Variants in PCDH9 observed in about 807,000 individuals in gnomAD.
PCDH9 encodes protocadherin 9, also known as protocadherin-9.
In PCDH9, 24 loss-of-function variants were observed where a neutral mutation model predicts 70.6. The observed-to-expected ratio is 0.34, with a 90% confidence interval of 0.25 to 0.48. The LOEUF (loss-of-function observed/expected upper bound fraction) is 0.48. Ranked by LOEUF, PCDH9 falls within the 20% of genes least tolerant of loss-of-function variation. PCDH9 has a pLI of 0.99. For missense variants in PCDH9, 1,281 were observed against 1,503.6 expected, an observed-to-expected ratio of 0.85 and a Z score of 2.45; for synonymous variants, 562 against 558.5, an observed-to-expected ratio of 1.01 and a Z score of -0.09.
chr13:67,109,962 T>C (rs1277693819), intron 2 of PCDH9, among the ~76,000 whole-genome samples: 1 of 152,154 alleles, frequency 6.6e-6, no homozygotes, highest in Non-Finnish European at 1.5e-5. Flanking sequence ...ATTATGTATA[T>C]AACACTTATT....
chr13:67,112,397 A>G (rs572000076), intron 2 of PCDH9, among the ~76,000 whole-genome samples: 5 of 152,322 alleles, frequency 3.3e-5, no homozygotes, highest in African/African-American at 1.2e-4. Flanking sequence ...GATCAGCAGC[A>G]GAACTCTTAT....
At chr13:66,675,625 G>A (rs1283372539) in intron 3 of PCDH9, among the ~76,000 whole-genome samples, 4 of 152,130 alleles carry the variant, frequency 2.6e-5, no homozygotes, top group Admixed American at 6.6e-5. Context: ...ACCAAATTGA[G>A]CTTCAGATGC....
intron 4 of PCDH9, among the ~76,000 whole-genome samples, chr13:66,420,335 T>G (rs1957542640): frequency 6.6e-6 from 1 of 152,186 alleles, no homozygotes; most frequent in African/African-American, 2.4e-5. Flanking sequence ...AGGGACAGAC[T>G]GCCTCCTCAA....
chr13:66,586,897 T>C (rs2076969941), intron 4 of PCDH9, among the ~76,000 whole-genome samples: 1 of 152,242 alleles, frequency 6.6e-6, no homozygotes, highest in Non-Finnish European at 1.5e-5. Flanking sequence ...TCAACACTTT[T>C]GTTGTTGTAA....
chr13:66,337,379 A>G (rs1162546096), intron 4 of PCDH9, among the ~76,000 whole-genome samples: 1 of 152,078 alleles, frequency 6.6e-6, no homozygotes, highest in Non-Finnish European at 1.5e-5. Context: ...TTGAAAAACT[A>G]GGTAAGTGAT....
intron 3 of PCDH9, among the ~76,000 whole-genome samples, chr13:66,730,596 G>A (rs1016104005): frequency 1.3e-5 from 2 of 151,832 alleles, no homozygotes; most frequent in African/African-American, 4.8e-5. Flanking sequence ...TGAGGGTGGA[G>A]CATATGTATA....
intron 4 of PCDH9, among the ~76,000 whole-genome samples, chr13:66,555,419 G>A (rs76947341): frequency 3.5e-4 from 50 of 143,528 alleles, no homozygotes; most frequent in South Asian, 4.4e-4. Context: ...ACATTCTGGG[G>A]AAAAAAAAAA....
intron 2 of PCDH9, among the ~76,000 whole-genome samples, chr13:67,199,784 T>C (rs937850546): frequency 3.9e-5 from 6 of 152,082 alleles, no homozygotes; most frequent in African/African-American, 1.4e-4. Context: ...TCAGTTCTTG[T>C]TTATCTTCAC....
chr13:66,913,562 C>A (rs566135349), intron 2 of PCDH9, among the ~76,000 whole-genome samples: 1 of 151,956 alleles, frequency 6.6e-6, no homozygotes, highest in Admixed American at 6.6e-5. Flanking sequence ...AGTTTCACAG[C>A]CTTGGTGGCC....
At chr13:66,562,804 G>T (rs1288639943) in intron 4 of PCDH9, among the ~76,000 whole-genome samples, 1 of 152,044 alleles carries the variant, frequency 6.6e-6, no homozygotes, top group Non-Finnish European at 1.5e-5. Context: ...TCATGAAATG[G>T]AGTCACAGGA....
At chr13:66,966,215 T>C (rs2083432744) in intron 2 of PCDH9, among the ~76,000 whole-genome samples, 1 of 152,130 alleles carries the variant, frequency 6.6e-6, no homozygotes, top group Admixed American at 6.6e-5. Context: ...GTTTCTGAGC[T>C]TCTGTTTCCT....
In PCDH9 at chr13:66,507,991, G is replaced by A. The variant is rs187676586; in HGVS notation, c.3340+123219C>T. On this transcript the variant is annotated intron_variant, in intron 4 of 4. Transcript: ENST00000377865. ...CTGCCTCAGCCTCCCAAAATGCTGG[G>A]ATTACAGGCGTGAGCCATCGCACCT... is the stretch of plus-strand genomic sequence containing the variant. Among the ~76,000 whole-genome samples, 125 of 152,232 alleles carry A rather than the reference G, an allele frequency of 8.2e-4. 1 individual carries two copies. The highest frequency in any genetic ancestry group is 1.2e-3 in the Non-Finnish European group (79 of 68,012).
intron 4 of PCDH9, among the ~76,000 whole-genome samples, chr13:66,586,359 A>T (rs1298956306): frequency 6.6e-6 from 1 of 152,190 alleles, no homozygotes; most frequent in African/African-American, 2.4e-5. Context: ...ATTGATTCTA[A>T]TTTTCAATCC....
intron 2 of PCDH9, among the ~76,000 whole-genome samples, chr13:67,077,997 T>G (rs1336256476): frequency 6.6e-6 from 1 of 152,162 alleles, no homozygotes; most frequent in Non-Finnish European, 1.5e-5. Flanking sequence ...ATTTCAGGCC[T>G]CTCATGTTGT....
chr13:67,031,970 T>G (rs907757023), intron 2 of PCDH9, among the ~76,000 whole-genome samples: 2 of 152,110 alleles, frequency 1.3e-5, no homozygotes, highest in Non-Finnish European at 2.9e-5. Flanking sequence ...AAATAATAAT[T>G]TTGAAAAAAT....
intron 3 of PCDH9, among the ~76,000 whole-genome samples, chr13:66,822,073 T>C (rs997476163): frequency 2.6e-5 from 4 of 151,948 alleles, no homozygotes; most frequent in African/African-American, 9.7e-5. Context: ...AGCTCAGTAG[T>C]CCCTTGACTT....
intron 2 of PCDH9, among the ~76,000 whole-genome samples, chr13:66,964,869 A>T (rs1386028792): frequency 6.6e-6 from 1 of 152,012 alleles, no homozygotes. Flanking sequence ...ATTCAAGAGC[A>T]TTACTGAATT....
At chr13:66,406,508 T>C (rs1037587803) in intron 4 of PCDH9, among the ~76,000 whole-genome samples, 2 of 152,194 alleles carry the variant, frequency 1.3e-5, no homozygotes, top group East Asian at 1.9e-4. Flanking sequence ...ACTTTCATTA[T>C]GTAACATAAA....
chr13:66,624,209 C>T (rs1296053831), intron 4 of PCDH9, among the ~76,000 whole-genome samples: 1 of 152,086 alleles, frequency 6.6e-6, no homozygotes, highest in South Asian at 2.1e-4. Context: ...CTTTCATCAT[C>T]CTAGTTATAT....
Sources: gnomAD v4.1 joint callset for allele counts (sites outside exome capture counted in the v4.1 genomes callset) on GRCh38, gnomAD v4.1.1 for gene constraint, MANE v1.5 for transcripts, NCBI Gene and HGNC (gene_info 2026-07-23, HGNC 2026-07-21) for gene names.